BTBD9: variants seen among roughly 807,000 people sequenced by gnomAD.
The protein encoded by BTBD9 is BTB/POZ domain-containing protein 9.
BTBD9 carries 49 observed loss-of-function variants against 64.3 expected under a neutral mutation model. The observed-to-expected ratio is 0.76, with a 90% CI of 0.61 to 0.97. The LOEUF is 0.97. Ranked by LOEUF, BTBD9 falls within the 50% of genes least tolerant of loss-of-function variation. The pLI, the probability that BTBD9 is intolerant of heterozygous loss-of-function variation, is 0.00. For missense variants in BTBD9, 598 were observed against 762.1 expected (o/e 0.78, Z 2.53); for synonymous variants, 260 against 274.7 (o/e 0.95, Z 0.53).
intron 7 of BTBD9, among the ~76,000 whole-genome samples, chr6:38,341,568 AC>A (rs892848210): frequency 6.6e-6 from 1 of 152,260 alleles, no homozygotes; most frequent in Non-Finnish European, 1.5e-5. Context: ...GGAAATCCTT[AC>A]AAAAAGCAGA....
chr6:38,577,389 C>A (rs1483967670), intron 6 of BTBD9, among the ~76,000 whole-genome samples: 1 of 152,164 alleles, frequency 6.6e-6, no homozygotes, highest in Non-Finnish European at 1.5e-5. Context: ...ACATATTATA[C>A]AAGACATGTT....
intron 8 of BTBD9, among the ~76,000 whole-genome samples, chr6:38,275,334 T>C (rs1264880651): frequency 2.1e-4 from 32 of 152,066 alleles, no homozygotes; most frequent in African/African-American, 7.5e-4. Context: ...TTACACCTTA[T>C]ACAAAAATTA....
At chr6:38,468,529 C>T (rs1770498896) in intron 6 of BTBD9, among the ~76,000 whole-genome samples, 1 of 152,208 alleles carries the variant, frequency 6.6e-6, no homozygotes, top group Admixed American at 6.5e-5. Context: ...ATATGGGCTT[C>T]CTTCCTCTAA....
intron 1 of BTBD9, among the ~76,000 whole-genome samples, chr6:38,618,928 G>A (rs1329279871): frequency 1.3e-5 from 2 of 152,140 alleles, no homozygotes; most frequent in South Asian, 2.1e-4. Context: ...TCAGCAAGCC[G>A]TCCCCAGTAT....
At chr6:38,511,109 G>C (rs546801667) in intron 6 of BTBD9, among the ~76,000 whole-genome samples, 2 of 152,056 alleles carry the variant, frequency 1.3e-5, no homozygotes, top group African/African-American at 4.8e-5. Flanking sequence ...GGATTTCTCA[G>C]CTCCTTTATG....
intron 9 of BTBD9, among the ~76,000 whole-genome samples, chr6:38,228,351 C>CCA (rs566108714): frequency 0.029 from 829 of 28,400 alleles, 34 homozygotes; most frequent in African/African-American, 0.065. Flanking sequence ...TCCCCCCCCC[C>CCA]AAAAAAAAAA....
At chr6:38,505,443 G>A (rs1193988199) in intron 6 of BTBD9, among the ~76,000 whole-genome samples, 1 of 151,964 alleles carries the variant, frequency 6.6e-6, no homozygotes, top group Non-Finnish European at 1.5e-5. Context: ...AGGCCAACAT[G>A]GTGAAACCCC....
intron 4 of BTBD9, 63 bp downstream of exon 4, chr6:38,592,513 G>A (rs1280010999): frequency 1.9e-6 from 3 of 1,578,710 alleles, no homozygotes; most frequent in African/African-American, 1.4e-5. Flanking sequence ...TAGCTTTGCG[G>A]TTTTAATGGC....
chr6:38,600,259 A>C (rs902171271), intron 1 of BTBD9, among the ~76,000 whole-genome samples: 7 of 152,218 alleles, frequency 4.6e-5, no homozygotes, highest in African/African-American at 1.7e-4. Context: ...CAGCCACAGG[A>C]AATAAGAAAA....
At chr6:38,548,379 C>T (rs1259023931) in intron 6 of BTBD9, among the ~76,000 whole-genome samples, 1 of 152,180 alleles carries the variant, frequency 6.6e-6, no homozygotes, top group Non-Finnish European at 1.5e-5. Flanking sequence ...TTGTAATTTA[C>T]TGAAAATTGA....
At chr6:38,637,954 T>C (rs1232668376) in intron 1 of BTBD9, among the ~76,000 whole-genome samples, 1 of 152,222 alleles carries the variant, frequency 6.6e-6, no homozygotes, top group African/African-American at 2.4e-5. Context: ...CTTAACACTT[T>C]GCCTTCCCAA....
intron 10 of BTBD9, among the ~76,000 whole-genome samples, chr6:38,175,967 T>G (rs1473028196): frequency 6.6e-6 from 1 of 152,202 alleles, no homozygotes; most frequent in Non-Finnish European, 1.5e-5. Flanking sequence ...TAAGAAGAGT[T>G]TGCATACCTG....
intron 4 of BTBD9, 71 bp downstream of exon 4, chr6:38,592,505 G>A (rs1776843989): frequency 6.5e-7 from 1 of 1,538,132 alleles, no homozygotes; most frequent in East Asian, 2.3e-5. Context: ...TTCTGTAGTA[G>A]CTTTGCGGTT....
chr6:38,310,357 A>G (rs949303196), intron 7 of BTBD9, among the ~76,000 whole-genome samples: 2 of 152,062 alleles, frequency 1.3e-5, no homozygotes, highest in Admixed American at 1.3e-4. Context: ...TTTGGCTTCA[A>G]AGGCAGCCAA....
chr6:38,609,993 A>G (rs1777556556), intron 1 of BTBD9, among the ~76,000 whole-genome samples: 1 of 152,222 alleles, frequency 6.6e-6, no homozygotes. Flanking sequence ...AAATAAATAT[A>G]CTGACACAAG....
At chr6:38,516,734 T>C (rs530020827) in intron 6 of BTBD9, among the ~76,000 whole-genome samples, 8 of 152,312 alleles carry the variant, frequency 5.3e-5, no homozygotes, top group African/African-American at 1.9e-4. Context: ...CTGTGTAGTA[T>C]CTATTAAGCA....
intron 9 of BTBD9, among the ~76,000 whole-genome samples, chr6:38,227,700 T>C (rs1199535733): frequency 3.3e-5 from 5 of 152,184 alleles, no homozygotes; most frequent in Non-Finnish European, 7.3e-5. Flanking sequence ...GCAGCTCTGC[T>C]GCTGACAGAG....
intron 6 of BTBD9, among the ~76,000 whole-genome samples, chr6:38,511,636 C>T (rs74508380): frequency 0.064 from 9,748 of 152,058 alleles, 478 homozygotes; most frequent in Non-Finnish European, 0.094. Context: ...GCCACCGCTC[C>T]TGGCTGTAAA....
At chr6:38,383,983 G>GA (rs1445788763) in intron 6 of BTBD9, among the ~76,000 whole-genome samples, 2 of 152,000 alleles carry the variant, frequency 1.3e-5, no homozygotes, top group East Asian at 3.9e-4. Flanking sequence ...AGCTGCATGG[G>GA]AATACGCACT....
Sources: gnomAD v4.1 joint callset for allele counts (sites outside exome capture counted in the v4.1 genomes callset) on GRCh38, gnomAD v4.1.1 for gene constraint, MANE v1.5 for transcripts, NCBI Gene and HGNC (gene_info 2026-07-23, HGNC 2026-07-21) for gene names.